DOCK1: variants seen among roughly 807,000 people sequenced by gnomAD.
DOCK1 encodes dedicator of cytokinesis 1.
DOCK1 carries 138 observed loss-of-function variants against 262.7 expected under a neutral mutation model. The observed-to-expected ratio is 0.53, with a 90% confidence interval of 0.46 to 0.61. The LOEUF is 0.61. DOCK1 is among the 20% of genes least tolerant of loss of function. The pLI, the probability that DOCK1 is intolerant of heterozygous loss-of-function variation, is 0.00. For synonymous variants in DOCK1, 866 were observed against 867.4 expected (o/e 1.00, Z 0.03); for missense variants, 1,908 against 2,370.7 (o/e 0.80, Z 4.05).
intron 16 of DOCK1, among the ~76,000 whole-genome samples, chr10:127,027,741 CCTGA>C (rs2135493317): frequency 6.6e-6 from 1 of 152,228 alleles, no homozygotes; most frequent in East Asian, 1.9e-4. Context: ...TGTTCATTCA[CCTGA>C]CTATTTCTGG....
At position 127,079,132 on chromosome 10, in the gene DOCK1, G is replaced by A. The variant is rs367980970; in HGVS notation, c.2445+17356G>A. ...TGCTGACACTCATGTAACCCACACTGGCATGTTTGCACCAGATTAAAGAAC... is the reference window on the plus strand; with the variant it reads ...TGCTGACACTCATGTAACCCACACTAGCATGTTTGCACCAGATTAAAGAAC... On this transcript the variant is annotated intron_variant, in intron 23 of 51. Transcript: ENST00000623213. Among the ~76,000 whole-genome samples, 5 of 152,224 alleles carry A rather than the reference G, an allele frequency of 3.3e-5. No individual in the cohort carries two copies. The South Asian group carries it at 8.3e-4, about 25-fold the overall frequency.
intron 27 of DOCK1, among the ~76,000 whole-genome samples, chr10:127,186,613 G>C (rs1290897303): frequency 6.7e-6 from 1 of 150,348 alleles, no homozygotes; most frequent in South Asian, 2.1e-4. Flanking sequence ...GGGACAGAGA[G>C]CCAAACCGTA....
intron 48 of DOCK1, among the ~76,000 whole-genome samples, chr10:127,433,692 G>T (rs1365926936): frequency 6.6e-6 from 1 of 152,116 alleles, no homozygotes; most frequent in African/African-American, 2.4e-5. Context: ...TCCAGTGAGT[G>T]TTCAGTCCTC....
At chr10:127,009,534 A>G (rs1324244994) in intron 11 of DOCK1, among the ~76,000 whole-genome samples, 3 of 152,104 alleles carry the variant, frequency 2.0e-5, no homozygotes, top group Non-Finnish European at 4.4e-5. Flanking sequence ...AGAAAAAGGA[A>G]TCCAGATGGT....
chr10:127,043,221 T>TA (rs2044134216), intron 21 of DOCK1, 57 bp downstream of exon 21: 2 of 1,357,878 alleles, frequency 1.5e-6, no homozygotes, highest in African/African-American at 1.4e-5. Context: ...TTGTGTTATT[T>TA]AGAGTCTTTT....
chr10:127,145,146 C>T (rs1008257575), intron 27 of DOCK1, among the ~76,000 whole-genome samples: 36 of 152,118 alleles, frequency 2.4e-4, no homozygotes, highest in African/African-American at 7.7e-4. Context: ...GCACCTGCGG[C>T]TCTGGGTCCT....
chr10:127,275,750 CTG>C (rs199657341), intron 29 of DOCK1, among the ~76,000 whole-genome samples: 1 of 134,396 alleles, frequency 7.4e-6, no homozygotes, highest in East Asian at 2.1e-4. Flanking sequence ...AGGTGTCAAC[CTG>C]TGTGTAGATG....
intron 31 of DOCK1, among the ~76,000 whole-genome samples, chr10:127,350,882 C>T (rs1337230689): frequency 6.6e-6 from 1 of 152,146 alleles, no homozygotes; most frequent in East Asian, 1.9e-4. Context: ...TAGAGTGGCT[C>T]CAGTGCTTGC....
intron 1 of DOCK1, among the ~76,000 whole-genome samples, chr10:126,961,155 T>C (rs1275257556): frequency 6.6e-6 from 1 of 152,158 alleles, no homozygotes; most frequent in Non-Finnish European, 1.5e-5. Context: ...AGATGACTCC[T>C]TGATTCTGTT....
chr10:127,280,312 G>A (rs2060912006), intron 29 of DOCK1, among the ~76,000 whole-genome samples: 1 of 152,118 alleles, frequency 6.6e-6, no homozygotes. Flanking sequence ...GGGATTACAG[G>A]CGTGAGCCAC....
rs936371235 is a variant in DOCK1 at position 126,957,137 on chromosome 10, T to C, written c.47-13565T>C. 1.8e-4 allele frequency among the ~76,000 whole-genome samples: 28 copies of C among 152,340 alleles called. No homozygotes were observed. In the East Asian group the frequency reaches 4.3e-3, roughly 23 times the overall value. ...ATTGTTTTCCTCACAGAGGGCTCGA[T>C]TGGTTTTTAATCTTCAATTTTACTT... On this transcript the variant is annotated intron_variant, in intron 1 of 51. Coordinates refer to ENST00000623213, the MANE Select transcript of DOCK1 (RefSeq NM_001290223.2).
At chr10:126,952,113 G>T (rs2036302557) in intron 1 of DOCK1, among the ~76,000 whole-genome samples, 1 of 152,004 alleles carries the variant, frequency 6.6e-6, no homozygotes, top group South Asian at 2.1e-4. Flanking sequence ...CTCCCAGAGG[G>T]GTGGGATTAC....
chr10:127,236,502 T>G (rs973917678), intron 27 of DOCK1, among the ~76,000 whole-genome samples: 1 of 97,904 alleles, frequency 1.0e-5, no homozygotes, highest in African/African-American at 4.2e-5. Flanking sequence ...TGACACGGGT[T>G]TTTTTTTTTT....
At chr10:127,360,418 G>T (rs1408714625) in intron 32 of DOCK1, among the ~76,000 whole-genome samples, 1 of 152,210 alleles carries the variant, frequency 6.6e-6, no homozygotes, top group Non-Finnish European at 1.5e-5. Flanking sequence ...GCTCTGCCCA[G>T]TCGCCAGATT....
chr10:127,322,239 G>C (rs1750911888), intron 29 of DOCK1, among the ~76,000 whole-genome samples: 1 of 149,686 alleles, frequency 6.7e-6, no homozygotes, highest in Admixed American at 6.7e-5. Flanking sequence ...GCCCAGGCTA[G>C]AGTGCAGTGG....
chr10:127,186,240 A>G (rs1465824238), intron 27 of DOCK1, among the ~76,000 whole-genome samples: 1 of 152,200 alleles, frequency 6.6e-6, no homozygotes, highest in East Asian at 1.9e-4. Context: ...TATAAAGGAC[A>G]GGTGTTTAAC....
At chr10:127,392,270 T>G (rs2066524711) in intron 38 of DOCK1, among the ~76,000 whole-genome samples, 1 of 152,052 alleles carries the variant, frequency 6.6e-6, no homozygotes, top group Non-Finnish European at 1.5e-5. Context: ...CTCGAGGCTC[T>G]GCATTTCTGA....
chr10:127,374,349 C>T (rs562013504), intron 35 of DOCK1, 135 bp downstream of exon 35: 2 of 1,184,476 alleles, frequency 1.7e-6, no homozygotes, highest in African/African-American at 3.1e-5. Context: ...CGCTTGTTTC[C>T]TCATCTGCTG....
At chr10:127,091,104 C>G (rs1258115338) in intron 23 of DOCK1, among the ~76,000 whole-genome samples, 1 of 151,832 alleles carries the variant, frequency 6.6e-6, no homozygotes, top group Non-Finnish European at 1.5e-5. Context: ...GCCTCAGCCT[C>G]CCGAGTAGCT....
Sources: gnomAD v4.1 joint callset for allele counts (sites outside exome capture counted in the v4.1 genomes callset) on GRCh38, gnomAD v4.1.1 for gene constraint, MANE v1.5 for transcripts, NCBI Gene and HGNC (gene_info 2026-07-23, HGNC 2026-07-21) for gene names.